The following NDUFAF6 variants were observed in gnomAD, a reference collection of about 807,000 sequenced individuals.
The protein encoded by NDUFAF6 is NADH:ubiquinone oxidoreductase complex assembly factor 6.
A neutral mutation model predicts 40.8 loss-of-function variants in NDUFAF6; 45 were observed. That is an observed-to-expected ratio of 1.10 (90% CI 0.87 to 1.42). NDUFAF6 has a LOEUF of 1.42. Ranked by LOEUF, NDUFAF6 falls within the 40% of genes most tolerant of loss-of-function variation. The pLI is 0.00. For missense variants in NDUFAF6, 435 were observed against 418.5 expected, an observed-to-expected ratio of 1.04 and a Z score of -0.34; for synonymous variants, 185 against 155.9, an observed-to-expected ratio of 1.19 and a Z score of -1.39.
chr8:95,115,413 T>C (rs1167139507), intron 4 of NDUFAF6: 1 of 152,248 alleles, frequency 6.6e-6, no homozygotes, highest in Non-Finnish European at 1.5e-5. Context: ...TATCATTTCT[T>C]GGAGACTTCT....
intron 1 of NDUFAF6, among the ~76,000 whole-genome samples, chr8:94,933,764 A>G (rs1222723451): frequency 6.7e-6 from 1 of 148,878 alleles, no homozygotes; most frequent in East Asian, 2.0e-4. Context: ...GACTCTCTCA[A>G]AAAAAACCCC....
At chr8:95,052,330 A>T in intron 8 of NDUFAF6, 100 bp downstream of exon 8, 1 of 1,324,246 alleles carries the variant, frequency 7.6e-7, no homozygotes, top group Non-Finnish European at 1.1e-6. Context: ...TTTAGTTCGG[A>T]GCCTTTGTTT....
At chr8:94,997,897 A>G (rs1826528619) in intron 2 of NDUFAF6, among the ~76,000 whole-genome samples, 1 of 152,150 alleles carries the variant, frequency 6.6e-6, no homozygotes, top group Admixed American at 6.5e-5. Context: ...ACAACTACTG[A>G]GTGTTCTTTA....
rs868305858 is a variant in NDUFAF6 at position 95,049,731 on chromosome 8, C to T, written c.816+1173C>T. ...TTATCACAAAAGTCTTCCCTGGCCA[C>T]GTTACCTAAAATAACATCTTCCTTT... On this transcript the variant is annotated intron_variant, in intron 7 of 8. Transcript: ENST00000396124. 7.9e-5 allele frequency among the ~76,000 whole-genome samples: 12 copies of T among 152,282 alleles called. No homozygotes were observed. In the South Asian group the frequency reaches 1.7e-3, roughly 21 times the overall value.
At chr8:95,041,687 T>C (rs1830165248) in intron 4 of NDUFAF6, 61 bp downstream of exon 4, 1 of 1,326,494 alleles carries the variant, frequency 7.5e-7, no homozygotes, top group Non-Finnish European at 1.1e-6. Context: ...AAGCTAATTC[T>C]TCAAGAAGGA....
intron 2 of NDUFAF6, among the ~76,000 whole-genome samples, chr8:95,004,655 T>C (rs185223990): frequency 6.6e-6 from 1 of 152,228 alleles, no homozygotes; most frequent in East Asian, 1.9e-4. Context: ...CAGCCCACTT[T>C]TTTGAATTCT....
At chr8:95,065,452 C>A (rs1832680600) in intron 9 of NDUFAF6, among the ~76,000 whole-genome samples, 1 of 152,092 alleles carries the variant, frequency 6.6e-6, no homozygotes, top group Non-Finnish European at 1.5e-5. Context: ...CTATTTTTTT[C>A]CCCCTTGGCA....
chr8:94,993,428 G>T (rs1484026137), intron 2 of NDUFAF6, among the ~76,000 whole-genome samples: 1 of 152,180 alleles, frequency 6.6e-6, no homozygotes, highest in Non-Finnish European at 1.5e-5. Context: ...CACTTCCTAA[G>T]CTAGGCTGGC....
At chr8:95,106,992 TGG>T (rs1563871722), downstream of NDUFAF6, among the ~76,000 whole-genome samples, 8 of 152,184 alleles carry the variant, frequency 5.3e-5, no homozygotes, top group Non-Finnish European at 1.0e-4. Flanking sequence ...CAACAGATAC[TGG>T]AGAGGATGTG....
intron 1 of NDUFAF6, among the ~76,000 whole-genome samples, chr8:94,911,922 G>T (rs1385975329): frequency 6.6e-6 from 1 of 152,166 alleles, no homozygotes; most frequent in Non-Finnish European, 1.5e-5. Context: ...GAAGCCGGAT[G>T]GTCTGGGCCC....
chr8:94,947,281 T>C (rs972551528), intron 2 of NDUFAF6, among the ~76,000 whole-genome samples: 1 of 63,424 alleles, frequency 1.6e-5, no homozygotes, highest in Non-Finnish European at 4.2e-5. Context: ...CTCCAAAAAA[T>C]ATTAAAAAAA....
chr8:95,018,179 A>G (rs1827543714), intron 2 of NDUFAF6, among the ~76,000 whole-genome samples: 1 of 148,412 alleles, frequency 6.7e-6, no homozygotes, highest in South Asian at 2.1e-4. Flanking sequence ...AGCTGGGACC[A>G]CAGGTGGGCA....
chr8:94,924,392 C>T (rs911283077), intron 1 of NDUFAF6, among the ~76,000 whole-genome samples: 2 of 152,272 alleles, frequency 1.3e-5, no homozygotes, highest in East Asian at 1.9e-4. Context: ...CTGCATTGAC[C>T]TCTATTGTGG....
rs71273438 is a variant in NDUFAF6 at position 94,946,696 on chromosome 8, C to CAAAAAAAAAAAAAAA, written c.-799+1087_-799+1101dup. On this transcript the variant is annotated intron_variant, in intron 2 of 14. Transcript: ENST00000396113. ...TGGTCAACAGAGTAAGACCCTGTCTCAAAAAAAAAAAAAAAAAAAAAAAAG... is the reference window on the plus strand; with the variant it reads ...TGGTCAACAGAGTAAGACCCTGTCTCAAAAAAAAAAAAAAAAAAAAAAAAAAAAAAAAAAAAAAAG... Among the ~76,000 whole-genome samples, 28 of 34,696 alleles carry CAAAAAAAAAAAAAAA rather than the reference C, an allele frequency of 8.1e-4. 3 individuals are homozygous for CAAAAAAAAAAAAAAA. Among genetic ancestry groups the CAAAAAAAAAAAAAAA allele is most frequent in the African/African-American group, 1.4e-3 (15 of 10,596 alleles). The allele number at this position is 34,696 out of a possible 152,430, so 22.8% of individuals were successfully genotyped here. A position where few individuals can be genotyped will look rare whatever the true frequency, so the allele number is the denominator to read the frequency against.
At chr8:95,117,959 T>A (rs924581058), downstream of NDUFAF6, among the ~76,000 whole-genome samples, 4 of 152,228 alleles carry the variant, frequency 2.6e-5, no homozygotes, top group African/African-American at 9.7e-5. Context: ...TTTACTATTA[T>A]CTCTTATGAT....
In NDUFAF6 at chr8:94,930,297, A is replaced by C. The variant is rs977956706; in HGVS notation, c.-935-15186A>C. 1.2e-5 allele frequency: 9 copies of C among 751,086 alleles called. No homozygotes were observed. The African/African-American group carries it at 1.4e-4, about 12-fold the overall frequency. The allele number at this position is 751,086 out of a possible 1,614,324, so 46.5% of individuals were successfully genotyped here. A position where few individuals can be genotyped will look rare whatever the true frequency, so the allele number is the denominator to read the frequency against. On this transcript the variant is annotated intron_variant, in intron 1 of 14. Transcript: ENST00000396113. ...TACAAAAAAAGTAAATGTTAAAGGC[A>C]AGGCATTATGTGATACACAGCATAT...
intron 1 of NDUFAF6, among the ~76,000 whole-genome samples, chr8:94,897,834 C>T (rs1274865332): frequency 6.6e-6 from 1 of 151,702 alleles, no homozygotes; most frequent in African/African-American, 2.4e-5. Context: ...AACTCGACCT[C>T]GGAAATTGTT....
At chr8:95,067,099 GT>G (rs1205070484) in intron 9 of NDUFAF6, 1 of 152,228 alleles carries the variant, frequency 6.6e-6, no homozygotes, top group Admixed American at 6.5e-5. Flanking sequence ...ATTCACAAAT[GT>G]CTCAAAGCAG....
At chr8:94,982,512 C>T (rs928023868) in intron 2 of NDUFAF6, among the ~76,000 whole-genome samples, 2 of 152,286 alleles carry the variant, frequency 1.3e-5, no homozygotes, top group South Asian at 4.1e-4. Flanking sequence ...GCGTATCTCC[C>T]CTGAAGAAAT....
Sources: allele counts gnomAD v4.1 joint callset (sites outside exome capture counted in the v4.1 genomes callset), GRCh38; gene constraint gnomAD v4.1.1; transcripts MANE v1.5; gene names NCBI Gene and HGNC (gene_info 2026-07-23, HGNC 2026-07-21).